The following CHD2 variants were observed in gnomAD, a reference collection of about 807,000 sequenced individuals.
The protein encoded by CHD2 is chromodomain helicase DNA binding protein 2.
CHD2 carries 28 observed loss-of-function variants against 243.9 expected under a neutral mutation model. The ratio of observed to expected loss-of-function variants is 0.11; its 90% CI spans 0.09 to 0.16. The LOEUF is 0.16. CHD2 is among the 10% of genes least tolerant of loss of function. The pLI is 1.00. For missense variants in CHD2, 1,386 were observed against 2,209.8 expected (o/e 0.63, Z 7.47); for synonymous variants, 775 against 779.0 (o/e 0.99, Z 0.09).
intron 31 of CHD2, among the ~76,000 whole-genome samples, chr15:93,000,141 A>G (rs1196648505): frequency 6.6e-6 from 1 of 152,100 alleles, no homozygotes; most frequent in Non-Finnish European, 1.5e-5. Flanking sequence ...ATGTGCTTGT[A>G]GTCCCACTTA....
intron 12 of CHD2, among the ~76,000 whole-genome samples, chr15:92,948,144 G>A (rs1045928221): frequency 1.3e-5 from 2 of 152,106 alleles, no homozygotes; most frequent in African/African-American, 4.8e-5. Flanking sequence ...TAAGCTTCTG[G>A]GGGTGAAAAC....
At chr15:93,020,349 A>C (rs759982033) in intron 38 of CHD2, 91 bp downstream of exon 38, 16 of 1,476,254 alleles carry the variant, frequency 1.1e-5, no homozygotes, top group Non-Finnish European at 1.5e-5. Flanking sequence ...GTATTTATCT[A>C]TCAAATTACT....
At chr15:92,905,235 C>A (rs1045706323) in intron 2 of CHD2, among the ~76,000 whole-genome samples, 1 of 152,030 alleles carries the variant, frequency 6.6e-6, no homozygotes, top group African/African-American at 2.4e-5. Flanking sequence ...GCCAAATCTT[C>A]GCAATTATCT....
intron 2 of CHD2, among the ~76,000 whole-genome samples, chr15:92,920,295 ATACTC>A (rs1468160007): frequency 6.6e-6 from 1 of 152,244 alleles, no homozygotes; most frequent in East Asian, 1.9e-4. Context: ...CCAAATACAA[ATACTC>A]TACTCAGAAA....
chr15:92,998,631 C>A lies in CHD2; in HGVS notation c.4008+10C>A, dbSNP rs751600473. The A allele has an allele frequency of 1.4e-5, 22 of 1,610,048 alleles. No homozygotes were observed. In the East Asian group the frequency reaches 4.2e-4, roughly 31 times the overall value. ...GACAGGTGGGGAAGAGGTGAGTACGCTGCCAGCTGGTTGTTTTTCAGGGGC... is the reference window on the plus strand; with the variant it reads ...GACAGGTGGGGAAGAGGTGAGTACGATGCCAGCTGGTTGTTTTTCAGGGGC... On this transcript the variant is annotated intron_variant, in intron 31 of 38. Transcript: ENST00000394196. This position sits in a 1 kb window ranked among gnomAD's most constrained non-coding sequence, Gnocchi z 5.1.
At position 92,980,768 on chromosome 15, in the gene CHD2, T is replaced by G. The variant is rs77401998; in HGVS notation, c.2877-47T>G. 4.8e-3 allele frequency: 6,501 copies of G among 1,365,024 alleles called. 267 individuals are homozygous for G. The East Asian group carries it at 0.11, about 23-fold the overall frequency. 84.6% of individuals were successfully genotyped at this position (1,365,024 alleles called of 1,614,324 possible). On this transcript the variant is annotated intron_variant, in intron 22 of 38. Coordinates refer to ENST00000394196, the MANE Select transcript of CHD2 (RefSeq NM_001271.4). The stretch of plus-strand genomic sequence containing the variant: ...GGATAGTTATTCTGAAGTAGAACAC[T>G]TTAGAGGTTATTTGATGTTTCTAAC...
At chr15:92,955,278 G>GA in intron 14 of CHD2, 145 bp from the exon 15 acceptor site, 1 of 516,176 alleles carries the variant, frequency 1.9e-6, no homozygotes, top group South Asian at 3.1e-5. Flanking sequence ...GGTTGCTTAG[G>GA]TCATTTTAGA....
intron 5 of CHD2, 127 bp downstream of exon 5, chr15:92,929,218 C>A: frequency 1.2e-6 from 1 of 800,636 alleles, no homozygotes; most frequent in Non-Finnish European, 2.0e-6. Flanking sequence ...CTCTTACTAG[C>A]TCGGGTGACT....
chr15:93,002,459 T>G, intron 33 of CHD2, 142 bp downstream of exon 33: 1 of 1,336,886 alleles, frequency 7.5e-7, no homozygotes, highest in Non-Finnish European at 1.0e-6. Flanking sequence ...GGGCCGTTGA[T>G]GGGATACCTG....
chr15:92,918,928 G>A (rs773403620), intron 2 of CHD2, among the ~76,000 whole-genome samples: 18 of 148,686 alleles, frequency 1.2e-4, no homozygotes, highest in Non-Finnish European at 2.4e-4. Context: ...GTGTGATCTC[G>A]GCTCACTGAA....
chr15:92,908,536 T>C (rs1313982172), intron 2 of CHD2, among the ~76,000 whole-genome samples: 3 of 152,198 alleles, frequency 2.0e-5, no homozygotes, highest in East Asian at 3.9e-4. Flanking sequence ...TAGGATCTAG[T>C]TAATTTTTAA....
At chr15:92,971,505 A>C (rs1457394306) in intron 17 of CHD2, among the ~76,000 whole-genome samples, 1 of 152,136 alleles carries the variant, frequency 6.6e-6, no homozygotes, top group Non-Finnish European at 1.5e-5. Context: ...ATGTAGAGAG[A>C]GTTGTTTTCT....
chr15:92,916,009 C>T (rs1323197958), intron 2 of CHD2, among the ~76,000 whole-genome samples: 1 of 133,786 alleles, frequency 7.5e-6, no homozygotes. Context: ...GACTATGCCT[C>T]TACTCTCTTC....
chr15:92,945,884 T>A lies in CHD2; in HGVS notation c.1198+19T>A, dbSNP rs2141795037. 1 of 1,563,428 alleles carries A rather than the reference T, an allele frequency of 6.4e-7. No individual in the cohort carries two copies. The highest frequency in any genetic ancestry group is 8.7e-7 in the Non-Finnish European group (1 of 1,146,700). On this transcript the variant is annotated intron_variant, in intron 11 of 38. Coordinates refer to ENST00000394196, the MANE Select transcript of CHD2 (RefSeq NM_001271.4). ...TTTCCAGGTAAGCAAGAAATTTTAT[T>A]TATAAATGTTCTTCAACATTTCAGA...
rs144294063 is a variant in CHD2, at chr15:92,946,054, G to A, written c.1215G>A (p.Pro405=). The change falls in exon 12 of 39, where the codon CCG becomes CCA. Residue 405 remains proline (P), a synonymous_variant. Transcript: ENST00000394196. ...ATGAAATAGCTCATAGTCGGAAGCC[G>A]GCACCCTCAAATGAGCCCGAATATC... ...QTDFPAHSRK[P]APSNEPEYLC... 40 of 1,584,522 alleles carry A rather than the reference G, an allele frequency of 2.5e-5. No individual in the cohort carries two copies. The East Asian group carries it at 3.4e-4, about 13-fold the overall frequency.
chr15:92,963,713 A>G (rs112793121), intron 16 of CHD2, among the ~76,000 whole-genome samples: 1,690 of 152,320 alleles, frequency 0.011, 30 homozygotes, highest in African/African-American at 0.035. Context: ...GATGTCCCGT[A>G]TGACACAGTC....
intron 2 of CHD2, among the ~76,000 whole-genome samples, chr15:92,911,015 A>G (rs1018784706): frequency 1.3e-5 from 2 of 152,208 alleles, no homozygotes; most frequent in Non-Finnish European, 2.9e-5. Flanking sequence ...ATCTAAACAG[A>G]AAAGGTACAG....
rs2053844285 is a variant in CHD2, at chr15:92,971,696, T to C, written c.2190-69T>C. On this transcript the variant is annotated intron_variant, in intron 17 of 38. Transcript: ENST00000394196. ...TCCACAATACTACTACTATCTCTTA[T>C]ACTCTTCTGGTACCTACAACTTTCT... is the stretch of plus-strand genomic sequence containing the variant. The C allele has an allele frequency of 5.6e-6, 8 of 1,427,564 alleles. No individual in the cohort carries two copies. In the Admixed American group the frequency reaches 6.5e-5, roughly 12 times the overall value. 88.4% of individuals were successfully genotyped at this position (1,427,564 alleles called of 1,614,324 possible).
chr15:92,939,671 C>T lies in CHD2; in HGVS notation c.645C>T (p.Asp215=), dbSNP rs778944668. 19 of 1,613,876 alleles carry T rather than the reference C, an allele frequency of 1.2e-5. No individual in the cohort carries two copies. Among genetic ancestry groups the T allele is most frequent in the East Asian group, 4.5e-5 (2 of 44,890 alleles). ...CTTCTGATGAGGATGATGATGATGACGAAGCTCCCAAAAGGCAGACTCGTC... is the reference window on the plus strand; with the variant it reads ...CTTCTGATGAGGATGATGATGATGATGAAGCTCCCAAAAGGCAGACTCGTC... ...QDSSDEDDDD[D]EAPKRQTRRR... is the part of the protein sequence containing the mutation. Residue 215 remains aspartate (D), a synonymous_variant, in exon 7 of 39, where the codon GAC becomes GAT. Transcript: ENST00000394196.
Sources: gnomAD v4.1 joint callset for allele counts (sites outside exome capture counted in the v4.1 genomes callset) on GRCh38, gnomAD v4.1.1 for gene constraint, Gnocchi (gnomAD v3.1) non-coding constraint, MANE v1.5 for transcripts, NCBI Gene and HGNC (gene_info 2026-07-23, HGNC 2026-07-21) for gene names.